RELN: variants seen among roughly 807,000 people sequenced by gnomAD.
RELN encodes reelin.
A neutral mutation model predicts 427.6 loss-of-function variants in RELN; 108 were observed. The observed-to-expected ratio is 0.25, with a 90% confidence interval of 0.22 to 0.30. The LOEUF is 0.30. Ranked by LOEUF, RELN falls within the 10% of genes least tolerant of loss-of-function variation. RELN has a pLI of 1.00. For missense variants in RELN, 3,715 were observed against 4,302.8 expected (o/e 0.86, Z 3.82); for synonymous variants, 1,524 against 1,513.4 (o/e 1.01, Z -0.16).
intron 41 of RELN, among the ~76,000 whole-genome samples, chr7:103,547,961 C>T (rs1830336420): frequency 6.6e-6 from 1 of 152,196 alleles, no homozygotes; most frequent in Non-Finnish European, 1.5e-5. Flanking sequence ...CTGCCACCCT[C>T]CTTGGTGAAT....
chr7:103,979,739 G>A (rs906410300), intron 1 of RELN, among the ~76,000 whole-genome samples: 13 of 152,122 alleles, frequency 8.5e-5, no homozygotes, highest in Non-Finnish European at 1.8e-4. Flanking sequence ...CTAAAGAGAG[G>A]AATATACAAT....
chr7:103,504,044 A>G (rs942158390), intron 51 of RELN, among the ~76,000 whole-genome samples: 12 of 152,108 alleles, frequency 7.9e-5, no homozygotes, highest in African/African-American at 2.9e-4. Flanking sequence ...TCTCTACTAA[A>G]AATACAAAAA....
At chr7:103,803,304 C>T (rs943150262) in intron 3 of RELN, among the ~76,000 whole-genome samples, 12 of 152,122 alleles carry the variant, frequency 7.9e-5, no homozygotes, top group African/African-American at 2.4e-4. Flanking sequence ...ATGATTAAAA[C>T]ACCTTTATAT....
chr7:103,486,565 A>G (rs527742992), intron 60 of RELN, 149 bp from the exon 61 acceptor site: 10 of 679,382 alleles, frequency 1.5e-5, no homozygotes, highest in South Asian at 8.5e-5. Context: ...AAAAAAAAAA[A>G]GCCAAACAAC....
At chr7:103,805,084 AC>A (rs1792564595) in intron 3 of RELN, among the ~76,000 whole-genome samples, 1 of 151,082 alleles carries the variant, frequency 6.6e-6, no homozygotes, top group Admixed American at 6.6e-5. Context: ...GAAAAAAAAA[AC>A]AACTCAATGT....
At chr7:103,817,409 T>C (rs1241087439) in intron 3 of RELN, among the ~76,000 whole-genome samples, 1 of 152,188 alleles carries the variant, frequency 6.6e-6, no homozygotes, top group African/African-American at 2.4e-5. Flanking sequence ...CCAGGCCCTC[T>C]CTATTTGAGA....
At chr7:103,486,451 G>T (rs57161790) in intron 60 of RELN, 35 bp from the exon 61 acceptor site, 1 of 1,481,836 alleles carries the variant, frequency 6.7e-7, no homozygotes, top group Non-Finnish European at 9.4e-7. Flanking sequence ...AAATTAAGTG[G>T]ACCAACCAGA....
At chr7:103,668,582 C>T (rs1207971836) in intron 11 of RELN, among the ~76,000 whole-genome samples, 1 of 152,102 alleles carries the variant, frequency 6.6e-6, no homozygotes, top group African/African-American at 2.4e-5. Flanking sequence ...TTAGGTTGAA[C>T]CATCCCAGTT....
chr7:103,689,315 T>TAA (rs11387733), intron 10 of RELN, among the ~76,000 whole-genome samples: 9 of 151,742 alleles, frequency 5.9e-5, no homozygotes, highest in Admixed American at 2.6e-4. Flanking sequence ...TTCTTAAAAA[T>TAA]AAAAAAAATG....
intron 2 of RELN, among the ~76,000 whole-genome samples, chr7:103,855,234 G>C (rs1311191772): frequency 1.3e-5 from 2 of 152,202 alleles, no homozygotes; most frequent in African/African-American, 4.8e-5. Context: ...CCCATCCAGA[G>C]AACTAACAGG....
chr7:103,742,000 A>C (rs1790674653), intron 6 of RELN, among the ~76,000 whole-genome samples: 1 of 152,134 alleles, frequency 6.6e-6, no homozygotes, highest in Non-Finnish European at 1.5e-5. Flanking sequence ...GAGGAGCCTA[A>C]CTGGGAGGCA....
At position 103,522,215 on chromosome 7, in the gene RELN, G is replaced by C. The variant is rs752682018; in HGVS notation, c.7491-16C>G. 7 of 1,613,250 alleles carry C rather than the reference G, an allele frequency of 4.3e-6. No individual in the cohort carries two copies. The highest frequency in any genetic ancestry group is 5.9e-6 in the Non-Finnish European group (7 of 1,179,874). On this transcript the variant is annotated splice_polypyrimidine_tract_variant and intron_variant, in intron 47 of 64. Coordinates refer to ENST00000428762, the MANE Select transcript of RELN (RefSeq NM_005045.4). ...TTCATCACAGCTGGGTGCAGAGCAA[G>C]AGAGAGGAAAAGTCAACATCAGACA...
At chr7:103,854,445 CT>C (rs1362321369) in intron 2 of RELN, among the ~76,000 whole-genome samples, 3 of 151,988 alleles carry the variant, frequency 2.0e-5, no homozygotes, top group African/African-American at 7.2e-5. Context: ...TTTCTGATTG[CT>C]TTTTTAAAAT....
chr7:103,690,194 G>A (rs539832471), intron 10 of RELN, among the ~76,000 whole-genome samples: 9 of 152,108 alleles, frequency 5.9e-5, no homozygotes, highest in African/African-American at 1.9e-4. Context: ...CAGTGTTCAT[G>A]CCACTGCAAG....
chr7:103,844,178 A>T (rs1359585131), intron 2 of RELN, among the ~76,000 whole-genome samples: 1 of 152,216 alleles, frequency 6.6e-6, no homozygotes, highest in African/African-American at 2.4e-5. Flanking sequence ...GCCATGTAGG[A>T]GACTAAAAAG....
chr7:103,926,355 A>G (rs1795735323), intron 1 of RELN, among the ~76,000 whole-genome samples: 1 of 151,918 alleles, frequency 6.6e-6, no homozygotes, highest in Admixed American at 6.6e-5. Context: ...CAGCCTCCCA[A>G]AGTGCTACGA....
At chr7:103,542,970 A>G (rs201262594) in intron 42 of RELN, 92 bp from the exon 43 acceptor site, 1 of 1,313,044 alleles carries the variant, frequency 7.6e-7, no homozygotes, top group Non-Finnish European at 1.1e-6. Flanking sequence ...TGCATTATGT[A>G]GTTTCAAAAT....
chr7:103,568,985 C>T (rs903198295), intron 31 of RELN, among the ~76,000 whole-genome samples: 5 of 152,146 alleles, frequency 3.3e-5, no homozygotes, highest in Admixed American at 6.5e-5. Flanking sequence ...TGACACTCTT[C>T]CGTTCAAAAA....
At chr7:103,564,367 G>A (rs1421403452) in intron 34 of RELN, among the ~76,000 whole-genome samples, 1 of 152,198 alleles carries the variant, frequency 6.6e-6, no homozygotes, top group African/African-American at 2.4e-5. Context: ...TGGCAGAGCA[G>A]AGAAGCCAGT....
Sources: allele counts gnomAD v4.1 joint callset (sites outside exome capture counted in the v4.1 genomes callset), GRCh38; gene constraint gnomAD v4.1.1; transcripts MANE v1.5; gene names NCBI Gene and HGNC (gene_info 2026-07-23, HGNC 2026-07-21).